MAF: variants seen among roughly 807,000 people sequenced by gnomAD.
MAF encodes the protein transcription factor Maf.
In MAF, 10 loss-of-function variants were observed where a neutral mutation model predicts 22.0. The observed-to-expected ratio is 0.45, with a 90% CI of 0.28 to 0.77. The LOEUF is 0.77. MAF is among the 30% of genes least tolerant of loss of function. The pLI is 0.12. For missense variants in MAF, 544 were observed against 548.4 expected (o/e 0.99, Z 0.08); for synonymous variants, 337 against 255.8 (o/e 1.32, Z -3.03).
At chr16:79,395,740 C>T in the MAF span, among the ~76,000 whole-genome samples, 2 of 152,228 alleles carry the variant, frequency 1.3e-5, no homozygotes, top group East Asian at 3.9e-4. Flanking sequence ...TTCTGGTTCC[C>T]CAAGCTGTGC....
At chr16:79,518,156 G>C in the MAF span, among the ~76,000 whole-genome samples, 1 of 152,222 alleles carries the variant, frequency 6.6e-6, no homozygotes, top group Non-Finnish European at 1.5e-5. Context: ...GGCAGGTGAA[G>C]AAGTAGAGAT....
At chr16:79,366,019 T>C in the MAF span, among the ~76,000 whole-genome samples, 1 of 152,230 alleles carries the variant, frequency 6.6e-6, no homozygotes, top group Non-Finnish European at 1.5e-5. Flanking sequence ...ATGTTTAATT[T>C]TGAGACTGCC....
the MAF span, among the ~76,000 whole-genome samples, chr16:79,489,002 A>G: frequency 6.6e-6 from 1 of 152,122 alleles, no homozygotes; most frequent in African/African-American, 2.4e-5. Flanking sequence ...CCAGAGGGAG[A>G]GATGAACTAC....
At chr16:79,264,311 T>C in the MAF span, 1 of 152,216 alleles carries the variant, frequency 6.6e-6, no homozygotes, top group African/African-American at 2.4e-5. Flanking sequence ...CTTGGAAATC[T>C]GCATGGCCTC....
chr16:79,598,048 C>G (rs1251424903), intron 1 of MAF: 1 of 1,030,548 alleles, frequency 9.7e-7, no homozygotes, highest in Non-Finnish European at 1.2e-6. Flanking sequence ...CATAACAATG[C>G]TAAAAAAAAA....
At chr16:79,315,961 T>C in the MAF span, among the ~76,000 whole-genome samples, 1 of 152,252 alleles carries the variant, frequency 6.6e-6, no homozygotes, top group African/African-American at 2.4e-5. Flanking sequence ...GTCCTCACAA[T>C]AGCACCTGCC....
chr16:79,397,166 G>C, the MAF span, among the ~76,000 whole-genome samples: 67 of 152,298 alleles, frequency 4.4e-4, no homozygotes, highest in Non-Finnish European at 4.1e-4. Flanking sequence ...ACAACCTACT[G>C]TTTGAATTAA....
chr16:79,407,745 A>G, the MAF span, among the ~76,000 whole-genome samples: 1 of 151,806 alleles, frequency 6.6e-6, no homozygotes, highest in South Asian at 2.1e-4. Flanking sequence ...GCACAAGAGC[A>G]CCCCTCCGTC....
At chr16:79,296,904 T>C in the MAF span, among the ~76,000 whole-genome samples, 1 of 152,198 alleles carries the variant, frequency 6.6e-6, no homozygotes, top group South Asian at 2.1e-4. Context: ...CCCTGGTGGG[T>C]GGACTCTCCT....
At chr16:79,240,512 AAAAAAAAAAAAAAAG>A in the MAF span, among the ~76,000 whole-genome samples, 1 of 97,014 alleles carries the variant, frequency 1.0e-5, no homozygotes, top group South Asian at 2.5e-4. Context: ...AAAAAAAAAA[AAAAAAAAAAAAAAAG>A]GGCAGCAGCC....
chr16:79,547,799 A>C, the MAF span, among the ~76,000 whole-genome samples: 1 of 152,106 alleles, frequency 6.6e-6, no homozygotes. Flanking sequence ...ATTTGTCTAC[A>C]ATTGATCTTT....
chr16:79,273,412 C>T, the MAF span, among the ~76,000 whole-genome samples: 1 of 152,216 alleles, frequency 6.6e-6, no homozygotes, highest in Admixed American at 6.5e-5. Context: ...CGTCCATTTG[C>T]TGCTGTAACA....
At chr16:79,418,654 T>C in the MAF span, among the ~76,000 whole-genome samples, 1 of 152,192 alleles carries the variant, frequency 6.6e-6, no homozygotes, top group Admixed American at 6.5e-5. Flanking sequence ...AGAATTTTTT[T>C]CTCTCTCCTA....
At chr16:79,426,855 G>A in the MAF span, among the ~76,000 whole-genome samples, 1 of 152,184 alleles carries the variant, frequency 6.6e-6, no homozygotes, top group Non-Finnish European at 1.5e-5. Context: ...CACATAGGGT[G>A]TATAATAAAA....
chr16:79,338,457 A>G, the MAF span, among the ~76,000 whole-genome samples: 2 of 152,240 alleles, frequency 1.3e-5, no homozygotes, highest in Non-Finnish European at 2.9e-5. Flanking sequence ...TTTTGGGAGC[A>G]GAATGAAGGC....
the MAF span, among the ~76,000 whole-genome samples, chr16:79,537,475 A>G: frequency 1.1e-4 from 16 of 152,364 alleles, no homozygotes; most frequent in African/African-American, 3.6e-4. Context: ...TGAGTGACCC[A>G]TTCAAAGCCA....
the MAF span, among the ~76,000 whole-genome samples, chr16:79,226,868 G>A: frequency 0.018 from 2,741 of 152,048 alleles, 54 homozygotes; most frequent in Non-Finnish European, 0.025. Flanking sequence ...ATTATAGCAC[G>A]GCTGTGAGCT....
downstream of MAF, among the ~76,000 whole-genome samples, chr16:79,581,783 A>C (rs12919175): frequency 0.025 from 3,871 of 152,302 alleles, 83 homozygotes; most frequent in Non-Finnish European, 0.038. Context: ...CTGATGATTA[A>C]GTTGTACAAT....
chr16:79,524,164 C>T, the MAF span, among the ~76,000 whole-genome samples: 5 of 152,192 alleles, frequency 3.3e-5, no homozygotes, highest in African/African-American at 1.2e-4. Context: ...TTGATAAACC[C>T]TCTGATCCCT....
Sources: gnomAD v4.1 joint callset for allele counts (sites outside exome capture counted in the v4.1 genomes callset) on GRCh38, gnomAD v4.1.1 for gene constraint, MANE v1.5 for transcripts, NCBI Gene and HGNC (gene_info 2026-07-23, HGNC 2026-07-21) for gene names.